The following KCNIP4 variants were observed in gnomAD, a reference collection of about 807,000 sequenced individuals.
KCNIP4 encodes the protein potassium voltage-gated channel interacting protein 4.
Under a neutral mutation model 34.0 loss-of-function variants are expected in KCNIP4, and 12 were observed. That is an observed-to-expected ratio of 0.35 (90% CI 0.23 to 0.57). The LOEUF is 0.57. KCNIP4 is among the 20% of genes least tolerant of loss of function. The pLI, the probability that KCNIP4 is intolerant of heterozygous loss-of-function variation, is 0.83. For missense variants in KCNIP4, 238 were observed against 311.7 expected, an observed-to-expected ratio of 0.76 and a Z score of 1.78; for synonymous variants, 124 against 102.2, an observed-to-expected ratio of 1.21 and a Z score of -1.29.
At chr4:21,266,686 T>C (rs918176450) in intron 1 of KCNIP4, among the ~76,000 whole-genome samples, 1 of 152,224 alleles carries the variant, frequency 6.6e-6, no homozygotes, top group Non-Finnish European at 1.5e-5. Context: ...TACAGGTAGA[T>C]CTTGTCTTAA....
At chr4:21,367,187 C>T (rs1168789474) in intron 1 of KCNIP4, among the ~76,000 whole-genome samples, 2 of 152,118 alleles carry the variant, frequency 1.3e-5, no homozygotes, top group African/African-American at 4.8e-5. Context: ...ACATAGCTTC[C>T]TATTGTTTAC....
intron 1 of KCNIP4, among the ~76,000 whole-genome samples, chr4:21,750,944 C>A (rs941088481): frequency 4.6e-5 from 7 of 152,114 alleles, no homozygotes; most frequent in Non-Finnish European, 1.0e-4. Context: ...CTAGATAAGA[C>A]TGCAATCATC....
intron 1 of KCNIP4, among the ~76,000 whole-genome samples, chr4:21,645,088 A>G (rs1054834878): frequency 6.6e-6 from 1 of 152,192 alleles, no homozygotes; most frequent in Non-Finnish European, 1.5e-5. Context: ...AATAATTACC[A>G]ATTATTAAGT....
At chr4:20,968,694 A>G (rs1421460078) in intron 1 of KCNIP4, among the ~76,000 whole-genome samples, 1 of 149,380 alleles carries the variant, frequency 6.7e-6, no homozygotes, top group Non-Finnish European at 1.5e-5. Flanking sequence ...ACCAAACACT[A>G]CATGTTCTCA....
At position 21,368,193 on chromosome 4, in the gene KCNIP4, G is replaced by A. The variant is rs1034539632; in HGVS notation, c.62-485484C>T. The stretch of plus-strand genomic sequence containing the variant: ...AGTTGCAGTGATTAATGGAAACACT[G>A]CATAAAATAATCTTATTAGAATGAC... On this transcript the variant is annotated intron_variant, in intron 1 of 8. Transcript: ENST00000382152. Among the ~76,000 whole-genome samples the A allele has an allele frequency of 1.3e-4, 19 of 146,190 alleles. 2 individuals carry two copies. Among genetic ancestry groups the A allele is most frequent in the African/African-American group, 5.3e-4 (19 of 36,128 alleles).
intron 1 of KCNIP4, among the ~76,000 whole-genome samples, chr4:21,869,891 T>C (rs371918263): frequency 3.9e-5 from 6 of 152,172 alleles, no homozygotes; most frequent in African/African-American, 1.4e-4. Context: ...GCTTAGGCAA[T>C]GAGGTGTCTG....
At chr4:21,842,138 G>T (rs554839088) in intron 1 of KCNIP4, among the ~76,000 whole-genome samples, 3 of 152,158 alleles carry the variant, frequency 2.0e-5, no homozygotes, top group East Asian at 1.9e-4. Context: ...GCTAATTCAT[G>T]CCCCAAAATA....
At chr4:21,858,486 T>C (rs1162969145) in intron 1 of KCNIP4, among the ~76,000 whole-genome samples, 2 of 152,210 alleles carry the variant, frequency 1.3e-5, no homozygotes, top group East Asian at 3.9e-4. Flanking sequence ...CTTAAAACTC[T>C]AGTGGCCCAA....
intron 1 of KCNIP4, among the ~76,000 whole-genome samples, chr4:21,338,619 A>G (rs1716428597): frequency 6.6e-6 from 1 of 151,810 alleles, no homozygotes; most frequent in African/African-American, 2.4e-5. Flanking sequence ...AAAAAAAACA[A>G]AAAACAAAAA....
At chr4:21,913,353 T>C (rs1026549997) in intron 1 of KCNIP4, among the ~76,000 whole-genome samples, 4 of 143,880 alleles carry the variant, frequency 2.8e-5, no homozygotes, top group Non-Finnish European at 6.1e-5. Flanking sequence ...TTTGTTTTTT[T>C]TTTCTTTTTC....
intron 1 of KCNIP4, among the ~76,000 whole-genome samples, chr4:21,829,151 T>A (rs1722835325): frequency 6.6e-6 from 1 of 152,010 alleles, no homozygotes; most frequent in Non-Finnish European, 1.5e-5. Context: ...GCAAAAGCAA[T>A]CTTTGGGTTT....
Position 21,006,780 on chromosome 4 carries a change from A to C in KCNIP4, c.62-124071T>G, listed in dbSNP as rs540946794. ...GGGAGATGTGTCTGTGTCATGTAAC[A>C]CAGCATGGAAGTCTGATGAAGGATG... On this transcript the variant is annotated intron_variant, in intron 1 of 8. Coordinates refer to ENST00000382152, the MANE Select transcript of KCNIP4 (RefSeq NM_025221.6). 1.5e-3 allele frequency among the ~76,000 whole-genome samples: 235 copies of C among 152,296 alleles called. 1 individual carries two copies. The highest frequency in any genetic ancestry group is 5.4e-3 in the African/African-American group (225 of 41,570).
rs893318092 is a variant in KCNIP4, at chr4:21,810,877, T to C, written c.61+137694A>G. On this transcript the variant is annotated intron_variant, in intron 1 of 8. Transcript: ENST00000382152. The stretch of plus-strand genomic sequence containing the variant: ...AGACAAAAAAACTCTTGAGTAACAG[T>C]CTGAATGAGGTAAACAAATTCAGAA... Among the ~76,000 whole-genome samples the C allele has an allele frequency of 3.3e-5, 5 of 152,232 alleles. No individual in the cohort carries two copies. In the East Asian group the frequency reaches 5.8e-4, roughly 18 times the overall value.
intron 1 of KCNIP4, among the ~76,000 whole-genome samples, chr4:21,575,815 T>C (rs897732753): frequency 3.9e-5 from 6 of 152,196 alleles, no homozygotes; most frequent in Non-Finnish European, 5.9e-5. Flanking sequence ...ATTATATTAT[T>C]TCAAAAGAAA....
intron 4 of KCNIP4, among the ~76,000 whole-genome samples, chr4:20,754,444 G>A (rs907499665): frequency 6.6e-6 from 1 of 152,120 alleles, no homozygotes; most frequent in African/African-American, 2.4e-5. Context: ...ATGACTCCGT[G>A]GAAGTGTAAG....
At chr4:21,501,483 G>C (rs142703759) in intron 1 of KCNIP4, among the ~76,000 whole-genome samples, 1 of 151,778 alleles carries the variant, frequency 6.6e-6, no homozygotes, top group South Asian at 2.1e-4. Flanking sequence ...TTAAGATGTC[G>C]CAAAATTTCT....
chr4:21,441,292 C>A (rs1727453466), intron 1 of KCNIP4, among the ~76,000 whole-genome samples: 1 of 152,116 alleles, frequency 6.6e-6, no homozygotes, highest in South Asian at 2.1e-4. Context: ...CAGGTGCCCA[C>A]CACCACGCCC....
chr4:21,361,315 T>C (rs1330055360), intron 1 of KCNIP4, among the ~76,000 whole-genome samples: 2 of 152,096 alleles, frequency 1.3e-5, no homozygotes, highest in Non-Finnish European at 2.9e-5. Flanking sequence ...AATGAAATCA[T>C]AATGATTACA....
chr4:21,660,661 G>T (rs556033949), intron 1 of KCNIP4, among the ~76,000 whole-genome samples: 43 of 152,282 alleles, frequency 2.8e-4, no homozygotes, highest in African/African-American at 1.0e-3. Context: ...GGACCTGGAG[G>T]TTAGAGTGGG....
Sources: gnomAD v4.1 joint callset for allele counts (sites outside exome capture counted in the v4.1 genomes callset) on GRCh38, gnomAD v4.1.1 for gene constraint, MANE v1.5 for transcripts, NCBI Gene and HGNC (gene_info 2026-07-23, HGNC 2026-07-21) for gene names.